Variants in ILDR1 observed in about 807,000 individuals in gnomAD.
ILDR1 encodes immunoglobulin like domain containing receptor 1.
Under a neutral mutation model 62.4 loss-of-function variants are expected in ILDR1, and 56 were observed. That is an observed-to-expected ratio of 0.90 (90% CI 0.72 to 1.12). The LOEUF (loss-of-function observed/expected upper bound fraction) is 1.12. ILDR1 is among the 50% of genes most tolerant of loss of function. ILDR1 has a pLI of 0.00. For synonymous variants in ILDR1, 284 were observed against 277.8 expected (o/e 1.02, Z -0.22); for missense variants, 736 against 710.6 (o/e 1.04, Z -0.41).
chr3:122,013,187 T>G (rs567670779), intron 1 of ILDR1, among the ~76,000 whole-genome samples: 39 of 152,290 alleles, frequency 2.6e-4, no homozygotes, highest in Non-Finnish European at 5.3e-4. Flanking sequence ...TCTTTGCACA[T>G]TTTTTTATTC....
At chr3:122,008,555 G>A (rs892997944) in intron 1 of ILDR1, among the ~76,000 whole-genome samples, 3 of 151,244 alleles carry the variant, frequency 2.0e-5, no homozygotes, top group African/African-American at 4.9e-5. Flanking sequence ...CCAGAGACAC[G>A]CATTTTTTAT....
the ILDR1 span, among the ~76,000 whole-genome samples, chr3:122,039,044 A>C: frequency 8.5e-5 from 13 of 152,210 alleles, no homozygotes; most frequent in East Asian, 2.1e-3. Flanking sequence ...AAATTACACA[A>C]ACAGATATGC....
At chr3:122,028,208 C>T in the ILDR1 span, among the ~76,000 whole-genome samples, 3,239 of 151,160 alleles carry the variant, frequency 0.021, 59 homozygotes, top group Middle Eastern at 0.038. Context: ...TGGTGGCGGG[C>T]GCCTGTAGTC....
At chr3:122,046,895 G>A in the ILDR1 span, among the ~76,000 whole-genome samples, 23 of 145,208 alleles carry the variant, frequency 1.6e-4, no homozygotes, top group South Asian at 4.6e-4. Context: ...TAATTTGACC[G>A]TCTGAAGCCT....
chr3:121,997,760 C>T (rs1323484045), intron 5 of ILDR1, among the ~76,000 whole-genome samples: 4 of 152,154 alleles, frequency 2.6e-5, no homozygotes, highest in African/African-American at 9.7e-5. Flanking sequence ...GTAAGGAGGG[C>T]CAGTAACTGC....
At chr3:122,021,449 C>A (rs1297661693) in intron 1 of ILDR1, among the ~76,000 whole-genome samples, 1 of 152,094 alleles carries the variant, frequency 6.6e-6, no homozygotes, top group Non-Finnish European at 1.5e-5. Flanking sequence ...TGGTTGGACA[C>A]CTGATGCAGG....
the ILDR1 span, among the ~76,000 whole-genome samples, chr3:122,054,521 G>A: frequency 6.6e-6 from 1 of 151,718 alleles, no homozygotes; most frequent in Non-Finnish European, 1.5e-5. Context: ...GTTGTTTTTT[G>A]CCATTTAGGG....
chr3:122,052,847 GC>G, the ILDR1 span, among the ~76,000 whole-genome samples: 1 of 152,200 alleles, frequency 6.6e-6, no homozygotes. Context: ...GGGATTACAG[GC>G]ATGAGCCACC....
At chr3:122,009,082 C>A (rs148572399) in intron 1 of ILDR1, among the ~76,000 whole-genome samples, 1 of 151,828 alleles carries the variant, frequency 6.6e-6, no homozygotes, top group Non-Finnish European at 1.5e-5. Context: ...TACAGGCATG[C>A]ACCACCATGC....
intron 3 of ILDR1, 95 bp from the exon 4 acceptor site, chr3:122,001,959 C>A: frequency 7.1e-7 from 1 of 1,407,786 alleles, no homozygotes; most frequent in Admixed American, 1.8e-5. Flanking sequence ...CATGGCAAGA[C>A]CTTGTATTTA....
the ILDR1 span, among the ~76,000 whole-genome samples, chr3:122,037,097 T>C: frequency 6.6e-6 from 1 of 152,154 alleles, no homozygotes; most frequent in Non-Finnish European, 1.5e-5. Flanking sequence ...CAGGCAGAAG[T>C]CTGGTGAAAG....
chr3:122,020,799 T>A, intron 1 of ILDR1, among the ~76,000 whole-genome samples: 1 of 152,240 alleles, frequency 6.6e-6, no homozygotes, highest in East Asian at 1.9e-4. Flanking sequence ...ATCGTGGGTG[T>A]CCAACATCTA....
At chr3:122,055,575 T>C in the ILDR1 span, 6 of 1,408,112 alleles carry the variant, frequency 4.3e-6, no homozygotes, top group Middle Eastern at 1.8e-4. Flanking sequence ...AGGTTGAAGA[T>C]GGTGCTTTGA....
chr3:122,010,162 A>G (rs1576730926), intron 1 of ILDR1, among the ~76,000 whole-genome samples: 1 of 152,344 alleles, frequency 6.6e-6, no homozygotes, highest in East Asian at 1.9e-4. Context: ...AGGAAGGGGC[A>G]GTTACTTGGG....
chr3:121,997,334 T>G (rs2071451586), intron 5 of ILDR1, among the ~76,000 whole-genome samples: 2 of 152,228 alleles, frequency 1.3e-5, no homozygotes. Context: ...CCCTTTGAAC[T>G]CTTGTCATTT....
the ILDR1 span, among the ~76,000 whole-genome samples, chr3:122,047,300 G>A: frequency 7.9e-5 from 12 of 152,136 alleles, no homozygotes; most frequent in African/African-American, 1.2e-4. Flanking sequence ...CTGCGTGCTG[G>A]GAGAACCACT....
chr3:122,025,324 G>C (rs1412081408), upstream of ILDR1: 1 of 152,172 alleles, frequency 6.6e-6, no homozygotes, highest in Non-Finnish European at 1.5e-5. Context: ...TTTCATTATT[G>C]AAGTAAATAC....
chr3:122,024,147 G>C (rs972719335), upstream of ILDR1, among the ~76,000 whole-genome samples: 1 of 151,832 alleles, frequency 6.6e-6, no homozygotes, highest in South Asian at 2.1e-4. Context: ...TATGAAAAAA[G>C]GGCTCTATTA....
chr3:122,036,153 G>C, the ILDR1 span, among the ~76,000 whole-genome samples: 2 of 152,306 alleles, frequency 1.3e-5, no homozygotes, highest in African/African-American at 4.8e-5. Context: ...GTGAAATTTT[G>C]AACTCGAAAG....
Sources: allele counts gnomAD v4.1 joint callset (sites outside exome capture counted in the v4.1 genomes callset), GRCh38; gene constraint gnomAD v4.1.1; transcripts MANE v1.5; gene names NCBI Gene and HGNC (gene_info 2026-07-23, HGNC 2026-07-21).